Variants in PAK5 observed in about 807,000 individuals in gnomAD.
The protein encoded by PAK5 is serine/threonine-protein kinase PAK 5.
A neutral mutation model predicts 65.9 loss-of-function variants in PAK5; 16 were observed. The ratio of observed to expected loss-of-function variants is 0.24; its 90% CI spans 0.16 to 0.37. The LOEUF (loss-of-function observed/expected upper bound fraction) is 0.37, where lower values mean the gene tolerates loss of function less well. Among genes scored for constraint, PAK5 ranks in the 10% least tolerant of loss-of-function variants. The pLI is 1.00. For missense variants in PAK5, 785 were observed against 903.9 expected (o/e 0.87, Z 1.69); for synonymous variants, 371 against 354.9 (o/e 1.05, Z -0.51).
At chr20:9,813,214 A>G (rs1195473617) in intron 1 of PAK5, among the ~76,000 whole-genome samples, 1 of 152,126 alleles carries the variant, frequency 6.6e-6, no homozygotes, top group Non-Finnish European at 1.5e-5. Flanking sequence ...AGCAATAGGG[A>G]CCTAGGGTAG....
intron 1 of PAK5, among the ~76,000 whole-genome samples, chr20:9,750,850 A>G (rs552510227): frequency 1.4e-4 from 22 of 152,162 alleles, no homozygotes; most frequent in African/African-American, 4.8e-4. Context: ...TACCACCTCC[A>G]CCAATAAAAT....
At chr20:9,831,381 C>A (rs1978704666) in intron 1 of PAK5, among the ~76,000 whole-genome samples, 1 of 152,186 alleles carries the variant, frequency 6.6e-6, no homozygotes, top group Admixed American at 6.5e-5. Context: ...CTTGGCAGAG[C>A]CCCTGACACA....
At chr20:9,718,249 C>T (rs913246216) in intron 1 of PAK5, among the ~76,000 whole-genome samples, 2 of 151,994 alleles carry the variant, frequency 1.3e-5, no homozygotes, top group African/African-American at 2.4e-5. Flanking sequence ...TTACTATCAG[C>T]TCTACTAGTA....
At position 9,538,666 on chromosome 20, in the gene PAK5, T is replaced by C; in HGVS notation, c.*796A>G. The C allele has an allele frequency of 4.3e-6, 1 of 233,386 alleles. No homozygotes were observed. The highest frequency in any genetic ancestry group is 6.1e-5 in the East Asian group (1 of 16,512). The allele number at this position is 233,386 out of a possible 1,614,324, so 14.5% of individuals were successfully genotyped here. A position where few individuals can be genotyped will look rare whatever the true frequency, so the allele number is the denominator to read the frequency against. ...CTAGAGGCGTTCATGGAAAATGTGA[T>C]CTTTAAAAATATTTAACTTTATCCC... On this transcript the variant is annotated 3_prime_UTR_variant, in exon 10 of 10. Coordinates refer to ENST00000353224, the MANE Select transcript of PAK5 (RefSeq NM_177990.4).
At chr20:9,555,094 A>G (rs2045486153) in intron 7 of PAK5, among the ~76,000 whole-genome samples, 1 of 152,168 alleles carries the variant, frequency 6.6e-6, no homozygotes, top group South Asian at 2.1e-4. Context: ...TTATTATCAC[A>G]TTCCCAGTCC....
chr20:9,686,266 C>T (rs775549696), intron 2 of PAK5, among the ~76,000 whole-genome samples: 23 of 152,266 alleles, frequency 1.5e-4, no homozygotes, highest in Non-Finnish European at 2.9e-4. Context: ...GACCATTTGA[C>T]AGAGACTCCC....
chr20:9,703,780 G>A (rs971543513), intron 2 of PAK5, among the ~76,000 whole-genome samples: 4 of 152,014 alleles, frequency 2.6e-5, no homozygotes, highest in South Asian at 2.1e-4. Flanking sequence ...GTCCACTCCC[G>A]GGTGGGTTTC....
intron 1 of PAK5, among the ~76,000 whole-genome samples, chr20:9,807,498 C>G (rs1318633815): frequency 6.6e-6 from 1 of 152,026 alleles, no homozygotes; most frequent in Non-Finnish European, 1.5e-5. Context: ...GACCCAATCC[C>G]ACTAATACAT....
intron 1 of PAK5, among the ~76,000 whole-genome samples, chr20:9,722,568 C>T (rs1378107878): frequency 1.3e-5 from 2 of 151,936 alleles, no homozygotes; most frequent in South Asian, 4.2e-4. Context: ...GCCGCGATCG[C>T]GCCACTGCAC....
chr20:9,764,155 TCA>T (rs1347328459), intron 1 of PAK5, among the ~76,000 whole-genome samples: 6 of 152,318 alleles, frequency 3.9e-5, no homozygotes, highest in African/African-American at 1.4e-4. Flanking sequence ...CATTTAGTCA[TCA>T]TTCTTGATCT....
In PAK5 at chr20:9,539,267, G is replaced by A. The variant is rs542558377; in HGVS notation, c.*195C>T. The stretch of plus-strand genomic sequence containing the variant: ...AAGCCGTGCTCCAAGTGACCACACC[G>A]GCTGTCAGTGGAGAGATGCCTGTTT... On this transcript the variant is annotated 3_prime_UTR_variant, in exon 10 of 10. Transcript: ENST00000353224. 18 of 557,788 alleles carry A rather than the reference G, an allele frequency of 3.2e-5. No homozygotes were observed. Among genetic ancestry groups the A allele is most frequent in the African/African-American group, 2.0e-4 (11 of 54,638 alleles). 34.6% of individuals were successfully genotyped at this position (557,788 alleles called of 1,614,324 possible). A position where few individuals can be genotyped will look rare whatever the true frequency, so the allele number is the denominator to read the frequency against.
At chr20:9,773,697 T>A (rs1213059729) in intron 1 of PAK5, among the ~76,000 whole-genome samples, 1 of 152,196 alleles carries the variant, frequency 6.6e-6, no homozygotes, top group Non-Finnish European at 1.5e-5. Flanking sequence ...GATGTTCGCA[T>A]AATAGACGGC....
chr20:9,557,763 A>C (rs2045530382), intron 6 of PAK5, 29 bp from the exon 7 acceptor site: 4 of 1,598,912 alleles, frequency 2.5e-6, no homozygotes, highest in Admixed American at 3.4e-5. Context: ...TTAAGGAACA[A>C]GACAGGTTTA....
chr20:9,566,097 C>G lies in PAK5; in HGVS notation c.1278G>C (p.Arg426Ser), dbSNP rs1485520095. 1.2e-6 allele frequency: 2 copies of G among 1,613,708 alleles called. No individual in the cohort carries two copies. The highest frequency in any genetic ancestry group is 1.3e-5 in the African/African-American group (1 of 74,812). ...CCGCCCGAAACTGTTCATGGGACAC[C>G]CTGGAGGGCTGCTGGTCGGAGGAGG... is the stretch of plus-strand genomic sequence containing the variant. ...WGSSSDQQPS[R>S]VSHEQFRAAL... The change falls in exon 5 of 10, where the codon AGG becomes AGC. Residue 426 changes from arginine (R) to serine (S), a missense_variant. Coordinates refer to ENST00000353224, the MANE Select transcript of PAK5 (RefSeq NM_177990.4).
At chr20:9,544,633 T>C (rs572717318) in intron 7 of PAK5, 139 bp from the exon 8 acceptor site, 11 of 728,378 alleles carry the variant, frequency 1.5e-5, no homozygotes, top group Non-Finnish European at 2.3e-5. Flanking sequence ...GGAGGGACTG[T>C]CAGACCCTTT....
At chr20:9,691,878 C>T (rs2047802791) in intron 2 of PAK5, among the ~76,000 whole-genome samples, 3 of 152,152 alleles carry the variant, frequency 2.0e-5, no homozygotes, top group Admixed American at 6.5e-5. Flanking sequence ...CTTTGATTTA[C>T]AAACTTGGTC....
chr20:9,660,603 G>A (rs1188493531), intron 2 of PAK5, among the ~76,000 whole-genome samples: 7 of 152,092 alleles, frequency 4.6e-5, no homozygotes, highest in Non-Finnish European at 8.8e-5. Flanking sequence ...CTGTGGCAGG[G>A]GAAAAGAATT....
intron 1 of PAK5, among the ~76,000 whole-genome samples, chr20:9,744,043 G>A (rs1233059606): frequency 1.3e-5 from 2 of 152,186 alleles, no homozygotes; most frequent in Non-Finnish European, 2.9e-5. Context: ...AAGACTGCAG[G>A]ATGTGGCCAC....
intron 1 of PAK5, among the ~76,000 whole-genome samples, chr20:9,770,303 T>A (rs2048818811): frequency 6.6e-6 from 1 of 152,068 alleles, no homozygotes; most frequent in Admixed American, 6.6e-5. Flanking sequence ...GACATGGGGA[T>A]GTCTCATTCT....
Sources: allele counts gnomAD v4.1 joint callset (sites outside exome capture counted in the v4.1 genomes callset), GRCh38; gene constraint gnomAD v4.1.1; transcripts MANE v1.5; gene names NCBI Gene and HGNC (gene_info 2026-07-23, HGNC 2026-07-21).